The following OPRM1 variants were observed in gnomAD, a reference collection of about 807,000 sequenced individuals.
OPRM1 encodes the protein opioid receptor mu 1.
In OPRM1, 27 loss-of-function variants were observed where a neutral mutation model predicts 31.8. That is an observed-to-expected ratio of 0.85 (90% CI 0.63 to 1.17). OPRM1 has a LOEUF of 1.17. Ranked by LOEUF, OPRM1 falls within the 50% of genes most tolerant of loss-of-function variation. The pLI is 0.00. For synonymous variants in OPRM1, 196 were observed against 189.9 expected (o/e 1.03, Z -0.26); for missense variants, 536 against 511.1 (o/e 1.05, Z -0.47).
chr6:154,108,837 G>T lies in OPRM1; in HGVS notation c.1165-9846G>T, dbSNP rs569403856. 1.0e-5 allele frequency: 10 copies of T among 985,096 alleles called. No individual in the cohort carries two copies. The African/African-American group carries it at 1.7e-4, about 17-fold the overall frequency. The allele number at this position is 985,096 out of a possible 1,614,324, so 61.0% of individuals were successfully genotyped here. A position where few individuals can be genotyped will look rare whatever the true frequency, so the allele number is the denominator to read the frequency against. ...GAATGCTTGATAACCTCGGTGATAA[G>T]ATAAAAAACCAAGCATACTAGAAGT... is the stretch of plus-strand genomic sequence containing the variant. On this transcript the variant is annotated intron_variant, in intron 3 of 3. Transcript: ENST00000330432.
chr6:154,151,322 G>A (rs1266612822), intron 3 of OPRM1, among the ~76,000 whole-genome samples: 3 of 152,248 alleles, frequency 2.0e-5, no homozygotes, highest in Admixed American at 1.3e-4. Flanking sequence ...AAGCAAGGCT[G>A]TGACCTTAGT....
At chr6:154,023,236 T>G (rs752795255) in intron 1 of OPRM1, among the ~76,000 whole-genome samples, 3 of 152,202 alleles carry the variant, frequency 2.0e-5, no homozygotes, top group Non-Finnish European at 2.9e-5. Flanking sequence ...TTATTACTTT[T>G]TTTATAGTTT....
intron 3 of OPRM1, among the ~76,000 whole-genome samples, chr6:154,151,007 A>G (rs1166164355): frequency 6.6e-6 from 1 of 152,190 alleles, no homozygotes; most frequent in East Asian, 1.9e-4. Context: ...TACCAGAGAC[A>G]CTGCCCCAGC....
intron 3 of OPRM1, among the ~76,000 whole-genome samples, chr6:154,112,766 A>C (rs576590019): frequency 6.6e-6 from 1 of 152,300 alleles, no homozygotes; most frequent in South Asian, 2.1e-4. Flanking sequence ...TTTTTATACG[A>C]TTATGCCACC....
At chr6:154,111,814 G>A (rs1796391656) in intron 3 of OPRM1, among the ~76,000 whole-genome samples, 1 of 152,090 alleles carries the variant, frequency 6.6e-6, no homozygotes, top group Non-Finnish European at 1.5e-5. Flanking sequence ...TCGCCCAGCT[G>A]GAGTGCAGTG....
chr6:154,104,717 C>T (rs1368853142), intron 3 of OPRM1, among the ~76,000 whole-genome samples: 1 of 152,148 alleles, frequency 6.6e-6, no homozygotes, highest in African/African-American at 2.4e-5. Context: ...TATACATGAC[C>T]TGATTATTTG....
chr6:154,039,412 C>G lies in OPRM1; in HGVS notation c.-133C>G, dbSNP rs1779555345. 1 of 1,550,314 alleles carries G rather than the reference C, an allele frequency of 6.5e-7. No homozygotes were observed. The highest frequency in any genetic ancestry group is 8.7e-7 in the Non-Finnish European group (1 of 1,146,146). On this transcript the variant is annotated 5_prime_UTR_variant, in exon 1 of 4. Coordinates refer to ENST00000330432, the MANE Select transcript of OPRM1 (RefSeq NM_000914.5). ...GCCTGACGCTCCTCTCTGTCTCAGC[C>G]AGGACTGGTTTCTGTAAGAAACAGC...
At chr6:154,200,191 T>C (rs923474505) in intron 3 of OPRM1, 3 of 720,056 alleles carry the variant, frequency 4.2e-6, no homozygotes, top group Non-Finnish European at 4.4e-6. Context: ...ATGATATTTA[T>C]TTCTGTTTGA....
intron 1 of OPRM1, among the ~76,000 whole-genome samples, chr6:154,031,613 C>G (rs116035952): frequency 6.8e-4 from 103 of 151,978 alleles, no homozygotes; most frequent in Non-Finnish European, 1.3e-3. Flanking sequence ...TAGTCGTGCA[C>G]GCCTGTAATT....
At chr6:154,110,611 G>T (rs866912931) in intron 3 of OPRM1, among the ~76,000 whole-genome samples, 1 of 151,946 alleles carries the variant, frequency 6.6e-6, no homozygotes, top group Non-Finnish European at 1.5e-5. Flanking sequence ...CTCATTGGCC[G>T]GGCACGGTGG....
At chr6:154,099,467 AGAAAAAG>A (rs1794095338) in intron 3 of OPRM1, among the ~76,000 whole-genome samples, 1 of 150,540 alleles carries the variant, frequency 6.6e-6, no homozygotes, top group Admixed American at 6.6e-5. Context: ...AAAGAAAGAA[AGAAAAAG>A]AAAGAAAGAA....
intron 1 of OPRM1, among the ~76,000 whole-genome samples, chr6:154,068,277 A>G (rs1361311556): frequency 6.6e-6 from 1 of 152,158 alleles, no homozygotes; most frequent in Non-Finnish European, 1.5e-5. Context: ...TTTCAATATT[A>G]ACTATAGTCA....
intron 1 of OPRM1, among the ~76,000 whole-genome samples, chr6:154,062,662 GA>G (rs1411231536): frequency 6.6e-6 from 1 of 152,008 alleles, no homozygotes; most frequent in African/African-American, 2.4e-5. Flanking sequence ...TTCTTGGATG[GA>G]AAACAGTCAT....
At chr6:154,032,758 C>G (rs1230305554) in intron 1 of OPRM1, among the ~76,000 whole-genome samples, 1 of 152,212 alleles carries the variant, frequency 6.6e-6, no homozygotes, top group Admixed American at 6.5e-5. Flanking sequence ...AACCACTGAA[C>G]AGTGCTGCCT....
At chr6:154,105,149 T>TA (rs1311486134) in intron 3 of OPRM1, among the ~76,000 whole-genome samples, 5 of 152,240 alleles carry the variant, frequency 3.3e-5, no homozygotes, top group Non-Finnish European at 5.9e-5. Flanking sequence ...ATTATGCCTA[T>TA]GCAAATAACT....
chr6:154,090,848 G>C, intron 2 of OPRM1, 104 bp from the exon 3 acceptor site: 1 of 979,494 alleles, frequency 1.0e-6, no homozygotes, highest in South Asian at 1.6e-5. Flanking sequence ...CCTTAAGTTA[G>C]CTCTGGTCAA....
chr6:154,100,032 AT>A (rs376268436), intron 3 of OPRM1, among the ~76,000 whole-genome samples: 1 of 79,466 alleles, frequency 1.3e-5, no homozygotes, highest in Non-Finnish European at 2.7e-5. Flanking sequence ...CATATTATAT[AT>A]TATCATATGA....
At chr6:154,230,486 T>A (rs192294587) in intron 3 of OPRM1, among the ~76,000 whole-genome samples, 151 of 152,368 alleles carry the variant, frequency 9.9e-4, no homozygotes, top group Non-Finnish European at 1.9e-3. Flanking sequence ...TTTGCCCTTT[T>A]CGTACCACAA....
intron 3 of OPRM1, among the ~76,000 whole-genome samples, chr6:154,101,687 G>A (rs1419833523): frequency 6.6e-6 from 1 of 152,110 alleles, no homozygotes; most frequent in Non-Finnish European, 1.5e-5. Flanking sequence ...CCTATAAATG[G>A]AGAAATTGAA....
Sources: gnomAD v4.1 joint callset for allele counts (sites outside exome capture counted in the v4.1 genomes callset) on GRCh38, gnomAD v4.1.1 for gene constraint, MANE v1.5 for transcripts, NCBI Gene and HGNC (gene_info 2026-07-23, HGNC 2026-07-21) for gene names.